COL26A1: variants seen among roughly 807,000 people sequenced by gnomAD.
COL26A1 encodes the protein collagen type XXVI alpha 1 chain.
A neutral mutation model predicts 59.3 loss-of-function variants in COL26A1; 41 were observed. That is an observed-to-expected ratio of 0.69 (90% CI 0.54 to 0.90). The LOEUF is 0.90. Ranked by LOEUF, COL26A1 falls within the 40% of genes least tolerant of loss-of-function variation. The pLI is 0.00. For missense variants in COL26A1, 612 were observed against 602.3 expected (o/e 1.02, Z -0.17); for synonymous variants, 266 against 256.0 (o/e 1.04, Z -0.37).
At chr7:101,464,475 C>T (rs62464279) in intron 3 of COL26A1, among the ~76,000 whole-genome samples, 46,148 of 151,452 alleles carry the variant, frequency 0.3, 7,450 homozygotes, top group Non-Finnish European at 0.35. Flanking sequence ...TGCAATGGCG[C>T]GATCTCAGCT....
intron 3 of COL26A1, among the ~76,000 whole-genome samples, chr7:101,516,610 C>T (rs1563022661): frequency 6.6e-6 from 1 of 152,170 alleles, no homozygotes; most frequent in Non-Finnish European, 1.5e-5. Context: ...TTACAGCTGT[C>T]TTTTCTCAGC....
intron 1 of COL26A1, among the ~76,000 whole-genome samples, chr7:101,415,777 G>A (rs1792357783): frequency 6.6e-6 from 1 of 151,836 alleles, no homozygotes; most frequent in Non-Finnish European, 1.5e-5. Context: ...CCACAGGCAT[G>A]TGCCACCATG....
intron 3 of COL26A1, among the ~76,000 whole-genome samples, chr7:101,462,558 C>G (rs534218072): frequency 1.5e-3 from 221 of 152,236 alleles, no homozygotes; most frequent in Middle Eastern, 0.01. Context: ...TTCAGGTGAT[C>G]TGCCTGCCTC....
At chr7:101,441,509 G>A (rs1793056776) in intron 2 of COL26A1, among the ~76,000 whole-genome samples, 1 of 152,038 alleles carries the variant, frequency 6.6e-6, no homozygotes, top group South Asian at 2.1e-4. Flanking sequence ...GTAGAGATGG[G>A]GTTTCACCAT....
intron 2 of COL26A1, among the ~76,000 whole-genome samples, chr7:101,422,107 T>A (rs1373887000): frequency 6.6e-6 from 1 of 151,740 alleles, no homozygotes; most frequent in Non-Finnish European, 1.5e-5. Flanking sequence ...AGGTCGGGAG[T>A]TCGAGACTAG....
intron 3 of COL26A1, among the ~76,000 whole-genome samples, chr7:101,531,002 A>G (rs1285111058): frequency 1.3e-5 from 2 of 150,032 alleles, no homozygotes; most frequent in Non-Finnish European, 3.0e-5. Context: ...AAGAAGTCTC[A>G]CTCTGTCACC....
intron 3 of COL26A1, among the ~76,000 whole-genome samples, chr7:101,504,109 T>C (rs1279221985): frequency 6.6e-6 from 1 of 151,902 alleles, no homozygotes; most frequent in Non-Finnish European, 1.5e-5. Flanking sequence ...CACCTCTTTT[T>C]TTTTCTTTGG....
At chr7:101,380,258 G>A (rs1379750426) in intron 1 of COL26A1, among the ~76,000 whole-genome samples, 9 of 150,586 alleles carry the variant, frequency 6.0e-5, no homozygotes, top group Non-Finnish European at 1.3e-4. Flanking sequence ...CCAAAGTGCT[G>A]GGATTACAGG....
At chr7:101,507,635 T>A (rs1794839813) in intron 3 of COL26A1, among the ~76,000 whole-genome samples, 1 of 151,950 alleles carries the variant, frequency 6.6e-6, no homozygotes, top group African/African-American at 2.4e-5. Context: ...CTCAGGCTGG[T>A]CTCCAACTCC....
chr7:101,436,494 C>T (rs1792918602), intron 2 of COL26A1, among the ~76,000 whole-genome samples: 2 of 152,118 alleles, frequency 1.3e-5, no homozygotes, highest in Admixed American at 1.3e-4. Flanking sequence ...GGTACGTGCC[C>T]AGTGAGGGAG....
At chr7:101,388,957 C>T in intron 1 of COL26A1, 1 of 279,710 alleles carries the variant, frequency 3.6e-6, no homozygotes, top group South Asian at 4.5e-5. Context: ...GAATATCTAC[C>T]AATTCCTCTG....
chr7:101,553,159 C>T, intron 10 of COL26A1, 167 bp from the exon 11 acceptor site: 3 of 595,392 alleles, frequency 5.0e-6, no homozygotes, highest in South Asian at 4.1e-5. Context: ...GTGGCCTCCC[C>T]TGCTGTGCTC....
chr7:101,492,533 C>T (rs1356853299), intron 3 of COL26A1, among the ~76,000 whole-genome samples: 1 of 151,480 alleles, frequency 6.6e-6, no homozygotes, highest in East Asian at 2.0e-4. Flanking sequence ...CCCATCTCTA[C>T]TAAAAATACA....
chr7:101,529,835 G>C (rs181514970), intron 3 of COL26A1, among the ~76,000 whole-genome samples: 1 of 152,114 alleles, frequency 6.6e-6, no homozygotes, highest in Non-Finnish European at 1.5e-5. Context: ...ATTGGTGGAC[G>C]CTTAGGTTCC....
chr7:101,475,192 T>G (rs999537305), intron 3 of COL26A1, among the ~76,000 whole-genome samples: 5 of 150,978 alleles, frequency 3.3e-5, no homozygotes, highest in Admixed American at 3.3e-4. Context: ...CAAGACTCTG[T>G]CTCAAATAAA....
intron 1 of COL26A1, among the ~76,000 whole-genome samples, chr7:101,363,488 G>T (rs1460868951): frequency 7.5e-6 from 1 of 133,554 alleles, no homozygotes; most frequent in Non-Finnish European, 1.6e-5. Context: ...GGTCACGGGG[G>T]GAAAGACCGA....
At chr7:101,459,108 C>G (rs928314774) in intron 3 of COL26A1, among the ~76,000 whole-genome samples, 1 of 152,108 alleles carries the variant, frequency 6.6e-6, no homozygotes, top group African/African-American at 2.4e-5. Flanking sequence ...ATCACTGTGC[C>G]TGGCTGAACA....
intron 1 of COL26A1, among the ~76,000 whole-genome samples, chr7:101,384,267 C>T (rs910091924): frequency 7.4e-6 from 1 of 135,522 alleles, no homozygotes; most frequent in Non-Finnish European, 1.5e-5. Flanking sequence ...GACGGAGTCT[C>T]ACTGTGTTGC....
rs550290574 is a variant in COL26A1, at chr7:101,479,315, A to T, written c.385+31528A>T. Among the ~76,000 whole-genome samples the T allele has an allele frequency of 2.6e-5, 4 of 152,298 alleles. No homozygotes were observed. The South Asian group carries it at 8.3e-4, about 32-fold the overall frequency. On this transcript the variant is annotated intron_variant, in intron 3 of 12. Transcript: ENST00000313669. ...TTTAAAATTTGCATCTCCCTAATAC[A>T]TCCAAATTTAAGCCTCTTTCAGTTT...
Sources: allele counts gnomAD v4.1 joint callset (sites outside exome capture counted in the v4.1 genomes callset), GRCh38; gene constraint gnomAD v4.1.1; transcripts MANE v1.5; gene names NCBI Gene and HGNC (gene_info 2026-07-23, HGNC 2026-07-21).